TSPAN9: variants seen among roughly 807,000 people sequenced by gnomAD.
TSPAN9 encodes tetraspanin-9.
In TSPAN9, 16 loss-of-function variants were observed where a neutral mutation model predicts 31.0. The observed-to-expected ratio is 0.52, with a 90% CI of 0.35 to 0.78. TSPAN9 has a LOEUF of 0.78. TSPAN9 is among the 30% of genes least tolerant of loss of function. The pLI is 0.01. For synonymous variants in TSPAN9, 145 were observed against 121.6 expected, an observed-to-expected ratio of 1.19 and a Z score of -1.27; for missense variants, 272 against 312.5, an observed-to-expected ratio of 0.87 and a Z score of 0.98.
intron 2 of TSPAN9, among the ~76,000 whole-genome samples, chr12:3,118,216 T>A (rs1470273083): frequency 6.9e-6 from 1 of 144,382 alleles, no homozygotes; most frequent in Non-Finnish European, 1.5e-5. Context: ...ACAGCTGCAT[T>A]ATCACATTTA....
chr12:3,186,380 A>G (rs1464309586), intron 2 of TSPAN9, among the ~76,000 whole-genome samples: 1 of 152,126 alleles, frequency 6.6e-6, no homozygotes, highest in African/African-American at 2.4e-5. Flanking sequence ...CTCATGGAGA[A>G]GATGCCATTT....
intron 2 of TSPAN9, among the ~76,000 whole-genome samples, chr12:3,117,072 A>G (rs558815542): frequency 6.6e-6 from 1 of 152,310 alleles, no homozygotes; most frequent in South Asian, 2.1e-4. Flanking sequence ...GAAAGGAAGT[A>G]GTCGAGCAGG....
chr12:3,263,713 C>T (rs1295972980), intron 3 of TSPAN9, among the ~76,000 whole-genome samples: 2 of 124,124 alleles, frequency 1.6e-5, no homozygotes, highest in Non-Finnish European at 4.0e-5. Flanking sequence ...GCAGGACAGG[C>T]ACCCGGCAAA....
At chr12:3,085,398 G>T (rs6489432) in intron 2 of TSPAN9, among the ~76,000 whole-genome samples, 24 of 150,872 alleles carry the variant, frequency 1.6e-4, no homozygotes, top group African/African-American at 5.4e-4. Context: ...GTCACCAGCC[G>T]TGTCTATCTA....
intron 2 of TSPAN9, among the ~76,000 whole-genome samples, chr12:3,191,307 A>C (rs2098364293): frequency 6.6e-6 from 1 of 152,090 alleles, no homozygotes; most frequent in Admixed American, 6.5e-5. Flanking sequence ...CCTTTCTGCA[A>C]AGCTTCATTC....
chr12:3,185,196 T>A (rs1427851159), intron 2 of TSPAN9, among the ~76,000 whole-genome samples: 1 of 152,162 alleles, frequency 6.6e-6, no homozygotes, highest in African/African-American at 2.4e-5. Context: ...GCACAGTCAC[T>A]GAGGGGAGAC....
At chr12:3,095,386 T>C (rs1462488969) in intron 2 of TSPAN9, among the ~76,000 whole-genome samples, 47 of 149,570 alleles carry the variant, frequency 3.1e-4, no homozygotes, top group Admixed American at 1.9e-3. Flanking sequence ...AGCTGTTGGG[T>C]ACACCTCCCA....
rs574236750 is a variant in TSPAN9 at position 3,197,776 on chromosome 12, C to T, written c.-17-3401C>T. On this transcript the variant is annotated intron_variant, in intron 2 of 8. Coordinates refer to ENST00000011898, the MANE Select transcript of TSPAN9 (RefSeq NM_006675.5). ...CACAGGTCACCAGCACAGGCCACCA[C>T]CAGCACAGGTCACCATCAGCACAGG... 8.8e-3 allele frequency among the ~76,000 whole-genome samples: 294 copies of T among 33,458 alleles called. 25 individuals carry two copies. Among genetic ancestry groups the T allele is most frequent in the Admixed American group, 0.077 (281 of 3,638 alleles). 21.9% of individuals were successfully genotyped at this position (33,458 alleles called of 152,430 possible).
chr12:3,267,612 CA>C (rs1326753045), intron 3 of TSPAN9, among the ~76,000 whole-genome samples: 4 of 152,236 alleles, frequency 2.6e-5, no homozygotes, highest in African/African-American at 7.2e-5. Context: ...TTGATGCTGT[CA>C]GAAATGCCTT....
intron 2 of TSPAN9, among the ~76,000 whole-genome samples, chr12:3,114,842 C>CAAAAA (rs34841785): frequency 4.1e-5 from 3 of 73,772 alleles, no homozygotes; most frequent in South Asian, 5.2e-4. Flanking sequence ...GGCTCCATCT[C>CAAAAA]AAAAAAAAAA....
At chr12:3,109,125 CG>C (rs368880381) in intron 2 of TSPAN9, among the ~76,000 whole-genome samples, 1,919 of 151,678 alleles carry the variant, frequency 0.013, 28 homozygotes, top group Middle Eastern at 0.034. Flanking sequence ...TTAGTAGAGA[CG>C]GGGGTTTCAC....
intron 3 of TSPAN9, among the ~76,000 whole-genome samples, chr12:3,230,107 A>G (rs1361192735): frequency 6.6e-6 from 1 of 152,038 alleles, no homozygotes; most frequent in East Asian, 1.9e-4. Context: ...GAAGCAGAAA[A>G]CCTACTAGCT....
intron 3 of TSPAN9, among the ~76,000 whole-genome samples, chr12:3,226,686 G>GTATATA (rs1364872447): frequency 9.1e-5 from 1 of 11,034 alleles, no homozygotes; most frequent in East Asian, 3.4e-3. Flanking sequence ...GTGTGTGTGT[G>GTATATA]TGTGTGTGTG....
chr12:3,235,272 G>T (rs1168951205), intron 3 of TSPAN9, among the ~76,000 whole-genome samples: 1 of 83,822 alleles, frequency 1.2e-5, no homozygotes, highest in African/African-American at 4.6e-5. Flanking sequence ...ATATATATAT[G>T]TAAGTGAATG....
chr12:3,281,644 C>G (rs1020533321), intron 7 of TSPAN9, 90 bp from the exon 8 acceptor site: 2 of 1,425,882 alleles, frequency 1.4e-6, no homozygotes, highest in East Asian at 2.3e-5. Flanking sequence ...AGAGCGAGGA[C>G]GAGGTGGAAG....
chr12:3,257,917 C>G (rs954710837), intron 3 of TSPAN9, among the ~76,000 whole-genome samples: 22 of 152,154 alleles, frequency 1.4e-4, no homozygotes, highest in African/African-American at 5.1e-4. Flanking sequence ...GCAGGACAAG[C>G]AGGCCCTTCC....
intron 2 of TSPAN9, among the ~76,000 whole-genome samples, chr12:3,085,801 C>T (rs947218712): frequency 1.3e-5 from 2 of 152,186 alleles, no homozygotes; most frequent in African/African-American, 4.8e-5. Context: ...TGCCTTCTGC[C>T]TCTGACTAGT....
At chr12:3,225,119 C>A (rs2098386502) in intron 3 of TSPAN9, among the ~76,000 whole-genome samples, 1 of 152,276 alleles carries the variant, frequency 6.6e-6, no homozygotes, top group African/African-American at 2.4e-5. Flanking sequence ...ATCCTCGCAC[C>A]CTGTGGTCCG....
chr12:3,186,642 G>C (rs1413105544), intron 2 of TSPAN9, among the ~76,000 whole-genome samples: 1 of 152,042 alleles, frequency 6.6e-6, no homozygotes, highest in African/African-American at 2.4e-5. Context: ...GCATTAGGGG[G>C]TTTTGCACAG....
Sources: gnomAD v4.1 joint callset for allele counts (sites outside exome capture counted in the v4.1 genomes callset) on GRCh38, gnomAD v4.1.1 for gene constraint, MANE v1.5 for transcripts, NCBI Gene and HGNC (gene_info 2026-07-23, HGNC 2026-07-21) for gene names.